ZNF730: variants seen among roughly 807,000 people sequenced by gnomAD.
ZNF730 encodes the protein zinc finger protein 730.
In ZNF730, 12 loss-of-function variants were observed where a neutral mutation model predicts 12.6. The observed-to-expected ratio is 0.95, with a 90% CI of 0.61 to 1.54. The LOEUF is 1.54. ZNF730 is among the 40% of genes most tolerant of loss of function. The pLI is 0.00. For missense variants in ZNF730, 643 were observed against 583.5 expected, an observed-to-expected ratio of 1.10 and a Z score of -1.05; for synonymous variants, 194 against 195.8, an observed-to-expected ratio of 0.99 and a Z score of 0.08.
intron 1 of ZNF730, among the ~76,000 whole-genome samples, chr19:23,076,654 G>A (rs1293262258): frequency 1.3e-5 from 2 of 152,296 alleles, no homozygotes; most frequent in African/African-American, 4.8e-5. Flanking sequence ...CCTGAGGACA[G>A]TCTCCTGGTA....
intron 1 of ZNF730, chr19:23,126,450 C>A: frequency 3.2e-6 from 1 of 316,544 alleles, no homozygotes; most frequent in Non-Finnish European, 6.4e-6. Flanking sequence ...AAGAGTAGAT[C>A]CATTTTGTCA....
chr19:23,089,500 G>T (rs1970120277), intron 1 of ZNF730, among the ~76,000 whole-genome samples: 1 of 152,010 alleles, frequency 6.6e-6, no homozygotes, highest in Non-Finnish European at 1.5e-5. Context: ...TGAATCGTGG[G>T]GTCTGTTTTT....
intron 1 of ZNF730, among the ~76,000 whole-genome samples, chr19:23,103,864 A>C (rs2145546876): frequency 6.6e-6 from 1 of 152,274 alleles, no homozygotes; most frequent in East Asian, 1.9e-4. Context: ...ACTGTAACTA[A>C]CCTGGACATT....
intron 1 of ZNF730, among the ~76,000 whole-genome samples, chr19:23,091,052 G>T (rs1729040): frequency 6.6e-6 from 1 of 151,950 alleles, no homozygotes; most frequent in Non-Finnish European, 1.5e-5. Context: ...GGGGCCCAGG[G>T]TCCCCATGCT....
chr19:23,134,630 G>A (rs1013322478), intron 2 of ZNF730, among the ~76,000 whole-genome samples: 1 of 143,716 alleles, frequency 7.0e-6, no homozygotes, highest in African/African-American at 2.6e-5. Context: ...CCGGCCAGCC[G>A]CCCCATCCAG....
At chr19:23,120,246 C>T (rs1599589398) in intron 1 of ZNF730, among the ~76,000 whole-genome samples, 2 of 152,078 alleles carry the variant, frequency 1.3e-5, no homozygotes, top group South Asian at 2.1e-4. Context: ...CCTCCCACCT[C>T]GGCTTCCCAA....
At chr19:23,097,303 G>A (rs1970268746) in intron 1 of ZNF730, among the ~76,000 whole-genome samples, 1 of 152,062 alleles carries the variant, frequency 6.6e-6, no homozygotes, top group Non-Finnish European at 1.5e-5. Context: ...CTGTCACAGG[G>A]GACATTGTGA....
At position 23,134,063 on chromosome 19, in the gene ZNF730, T is replaced by G. The variant is rs771420869; in HGVS notation, c.4-17T>G. The G allele has an allele frequency of 5.6e-5, 90 of 1,611,332 alleles. No homozygotes were observed. Among genetic ancestry groups the G allele is most frequent in the Middle Eastern group, 3.3e-4 (2 of 6,066 alleles). ...AGGGGCACTTGGTAAATATGTGTGT[T>G]TGTTTGTGTTTTTCAGGGAGCGTTG... is the stretch of plus-strand genomic sequence containing the variant. On this transcript the variant is annotated splice_polypyrimidine_tract_variant and intron_variant, in intron 1 of 3. Transcript: ENST00000597761.
Position 23,146,752 on chromosome 19 carries a change from A to G in ZNF730, c.*196A>G. On this transcript the variant is annotated 3_prime_UTR_variant, in exon 4 of 4. Coordinates refer to ENST00000597761, the MANE Select transcript of ZNF730 (RefSeq NM_001277403.2). ...TGTGAAGAATGTGGCAAAGTCTTCA[A>G]CCAATCTTCACACCTTACTACACAT... is the stretch of plus-strand genomic sequence containing the variant. 8.8e-7 allele frequency: 1 copy of G among 1,140,848 alleles called. No homozygotes were observed. The highest frequency in any genetic ancestry group is 2.4e-5 in the East Asian group (1 of 42,552). 70.7% of individuals were successfully genotyped at this position (1,140,848 alleles called of 1,614,324 possible). A position where few individuals can be genotyped will look rare whatever the true frequency, so the allele number is the denominator to read the frequency against.
At position 23,146,634 on chromosome 19, in the gene ZNF730, A is replaced by G; in HGVS notation, c.*78A>G. 5.1e-6 allele frequency: 8 copies of G among 1,572,158 alleles called. No individual in the cohort carries two copies. The highest frequency in any genetic ancestry group is 1.7e-4 in the Middle Eastern group (1 of 5,994). On this transcript the variant is annotated 3_prime_UTR_variant, in exon 4 of 4. Transcript: ENST00000597761. ...ATAAGATAATTCATACTGAAGAGAA[A>G]CCCTACAAATGTGAAGAATGTGGCA...
At chr19:23,115,652 G>A (rs1476708650), upstream of ZNF730, among the ~76,000 whole-genome samples, 5 of 151,982 alleles carry the variant, frequency 3.3e-5, no homozygotes, top group Non-Finnish European at 5.9e-5. Flanking sequence ...GTGGGGAAGA[G>A]AAGCAAAGTG....
At chr19:23,091,009 AAAAAAG>A (rs1388213142) in intron 1 of ZNF730, among the ~76,000 whole-genome samples, 1 of 152,048 alleles carries the variant, frequency 6.6e-6, no homozygotes, top group Non-Finnish European at 1.5e-5. Context: ...TCAAAAAAAA[AAAAAAG>A]AAAAAGAAAA....
chr19:23,078,712 C>G (rs538671097), intron 1 of ZNF730, among the ~76,000 whole-genome samples: 362 of 152,300 alleles, frequency 2.4e-3, no homozygotes, highest in African/African-American at 8.0e-3. Flanking sequence ...CTCAGTCTCT[C>G]GTCCCACCCG....
chr19:23,079,778 C>G (rs374162701), intron 1 of ZNF730, among the ~76,000 whole-genome samples: 1 of 152,170 alleles, frequency 6.6e-6, no homozygotes, highest in East Asian at 1.9e-4. Context: ...TTCCACCTCT[C>G]TCTAGCTCCT....
chr19:23,146,967 G>T lies in ZNF730; in HGVS notation c.*411G>T. Reference sequence around the variant, plus strand: ...AAAGAAATGCTGGTGAGAAATTCTAGAAATATGAAGAATGTGACAAAGCCA... The same window carrying T: ...AAAGAAATGCTGGTGAGAAATTCTATAAATATGAAGAATGTGACAAAGCCA... On this transcript the variant is annotated 3_prime_UTR_variant, in exon 4 of 4. Transcript: ENST00000597761. The T allele has an allele frequency of 2.7e-6, 1 of 376,454 alleles. No individual in the cohort carries two copies. 23.3% of individuals were successfully genotyped at this position (376,454 alleles called of 1,614,324 possible).
chr19:23,127,096 T>G, intron 1 of ZNF730: 1 of 513,756 alleles, frequency 1.9e-6, no homozygotes, highest in Non-Finnish European at 3.8e-6. Context: ...TGGGATCTTG[T>G]CCTTCTATGA....
chr19:23,090,435 A>G (rs1228074197), intron 1 of ZNF730, among the ~76,000 whole-genome samples: 1 of 152,178 alleles, frequency 6.6e-6, no homozygotes, highest in East Asian at 1.9e-4. Context: ...CTAAGCAGAA[A>G]AGCATTCAAG....
chr19:23,082,269 T>C (rs1969978279), intron 1 of ZNF730, among the ~76,000 whole-genome samples: 2 of 152,162 alleles, frequency 1.3e-5, no homozygotes, highest in African/African-American at 4.8e-5. Context: ...TATGAGATCA[T>C]GAAGTATTTG....
intron 1 of ZNF730, among the ~76,000 whole-genome samples, chr19:23,119,783 C>T (rs1437378469): frequency 6.6e-6 from 1 of 152,012 alleles, no homozygotes; most frequent in Admixed American, 6.6e-5. Flanking sequence ...CGCCACTGCA[C>T]TCCAGCCTGG....
Sources: allele counts gnomAD v4.1 joint callset (sites outside exome capture counted in the v4.1 genomes callset), GRCh38; gene constraint gnomAD v4.1.1; transcripts MANE v1.5; gene names NCBI Gene and HGNC (gene_info 2026-07-23, HGNC 2026-07-21).